Variants in PLA2G2A observed in about 807,000 individuals in gnomAD.
PLA2G2A encodes the protein phospholipase A2 group IIA, also known as phospholipase A2, membrane associated.
A neutral mutation model predicts 11.2 loss-of-function variants in PLA2G2A; 6 were observed. The ratio of observed to expected loss-of-function variants is 0.54; its 90% confidence interval spans 0.29 to 1.06. The LOEUF is 1.06. PLA2G2A is among the 50% of genes least tolerant of loss of function. PLA2G2A has a pLI of 0.08. For missense variants in PLA2G2A, 133 were observed against 177.1 expected (o/e 0.75, Z 1.41); for synonymous variants, 69 against 65.8 (o/e 1.05, Z -0.23).
intron 4 of PLA2G2A, 50 bp downstream of exon 4, chr1:19,977,965 G>A: frequency 2.8e-6 from 3 of 1,081,614 alleles, no homozygotes; most frequent in Non-Finnish European, 4.3e-6. Context: ...ACAGTCCCCA[G>A]CACTGTCTAA....
At chr1:19,976,105 G>C (rs2046215742) in intron 4 of PLA2G2A, among the ~76,000 whole-genome samples, 1 of 152,182 alleles carries the variant, frequency 6.6e-6, no homozygotes, top group South Asian at 2.1e-4. Context: ...TCTTCCTCTT[G>C]CTAACAGATG....
At chr1:19,978,170 C>A (rs1270471076) in intron 3 of PLA2G2A, 49 bp from the exon 4 acceptor site, 1 of 1,444,688 alleles carries the variant, frequency 6.9e-7, no homozygotes, top group African/African-American at 1.4e-5. Context: ...CTCCAGGAGG[C>A]CTGGTGCCTG....
chr1:19,977,716 C>T (rs761922072), intron 4 of PLA2G2A, among the ~76,000 whole-genome samples: 1 of 152,184 alleles, frequency 6.6e-6, no homozygotes, highest in African/African-American at 2.4e-5. Flanking sequence ...GCTGTGTCCT[C>T]TTCTGGGAAT....
At chr1:19,979,446 A>AT in intron 1 of PLA2G2A, 134 bp downstream of exon 1, 2 of 157,514 alleles carry the variant, frequency 1.3e-5, no homozygotes, top group Admixed American at 6.0e-5. Flanking sequence ...ATACTCACTC[A>AT]ACACACTCAT....
intron 4 of PLA2G2A, among the ~76,000 whole-genome samples, chr1:19,977,319 C>CA (rs1329192930): frequency 6.6e-6 from 1 of 152,202 alleles, no homozygotes; most frequent in African/African-American, 2.4e-5. Context: ...CCTCCCAACT[C>CA]AGTCACCAGT....
At chr1:19,977,490 G>A (rs774773427) in intron 4 of PLA2G2A, among the ~76,000 whole-genome samples, 2 of 152,206 alleles carry the variant, frequency 1.3e-5, no homozygotes, top group Non-Finnish European at 2.9e-5. Context: ...TCCCCACAGT[G>A]AGTCATCTAA....
At position 19,976,691 on chromosome 1, in the gene PLA2G2A, T is replaced by C. The variant is rs562032684; in HGVS notation, c.293-848A>G. ...TTCCAAATCCCACTCATGAGTCAGCTGTCTGGGGACACCAAGCAAAGCCTT... is the reference window on the plus strand; with the variant it reads ...TTCCAAATCCCACTCATGAGTCAGCCGTCTGGGGACACCAAGCAAAGCCTT... On this transcript the variant is annotated intron_variant, in intron 4 of 4. Transcript: ENST00000482011. 6.5e-4 allele frequency among the ~76,000 whole-genome samples: 99 copies of C among 152,364 alleles called. 2 individuals are homozygous for C. The highest frequency in any genetic ancestry group is 4.0e-3 in the Admixed American group (62 of 15,310).
At chr1:19,978,448 G>A (rs2046255520) in exon 3 of PLA2G2A, 1 of 1,613,874 alleles carries the variant, frequency 6.2e-7, no homozygotes. Context: ...AGCCATAACT[G>A]AGTGCGGCTT....
At position 19,978,529 on chromosome 1, in the gene PLA2G2A, A is replaced by T; in HGVS notation, c.41-5T>A. 1 of 1,613,428 alleles carries T rather than the reference A, an allele frequency of 6.2e-7. No individual in the cohort carries two copies. Among genetic ancestry groups the T allele is most frequent in the Non-Finnish European group, 8.5e-7 (1 of 1,180,026 alleles). ...TCCCATGGGCCTGCAGTAGGCCTGG[A>T]AGGAAATTTGGGAGTTGTCTGGTGA... On this transcript the variant is annotated splice_region_variant and splice_polypyrimidine_tract_variant and intron_variant, in intron 2 of 4. Coordinates refer to ENST00000482011, the Ensembl canonical transcript of PLA2G2A.
At chr1:19,976,815 G>T (rs2046226049) in intron 4 of PLA2G2A, among the ~76,000 whole-genome samples, 1 of 152,082 alleles carries the variant, frequency 6.6e-6, no homozygotes, top group Admixed American at 6.6e-5. Context: ...GCCCCCACCT[G>T]GTCTAATCTG....
At chr1:19,975,769 T>A in exon 5 of PLA2G2A, 1 of 1,613,490 alleles carries the variant, frequency 6.2e-7, no homozygotes, top group Non-Finnish European at 8.5e-7. Context: ...TTGTAGGTCG[T>A]CTTGTTTCTA....
rs11573162 is a variant in PLA2G2A, at chr1:19,978,510, G to A, written c.55C>T (p.His19Tyr). Reference sequence around the variant, plus strand: ...CTGTGGAAATTCACCAAATTCCCATGGGCCTGCAGTAGGCCTGGAAGGAAA... The same window carrying A: ...CTGTGGAAATTCACCAAATTCCCATAGGCCTGCAGTAGGCCTGGAAGGAAA... Residue 19 changes from histidine (H) to tyrosine (Y), a missense_variant, in exon 3 of 5, where the codon CAT becomes TAT. His to Tyr is a moderately conservative substitution (Grantham distance 83). Coordinates refer to ENST00000482011, the Ensembl canonical transcript of PLA2G2A. The A allele has an allele frequency of 4.5e-3, 7,326 of 1,613,646 alleles. 127 individuals are homozygous for A. Among genetic ancestry groups the A allele is most frequent in the East Asian group, 0.035 (1,567 of 44,880 alleles).
At chr1:19,979,189 C>T in intron 1 of PLA2G2A, 2 of 250,262 alleles carry the variant, frequency 8.0e-6, no homozygotes, top group Non-Finnish European at 1.6e-5. Flanking sequence ...AGGATGTGTC[C>T]CTCGCTAGAC....
At chr1:19,976,505 G>A (rs1344063961) in intron 4 of PLA2G2A, among the ~76,000 whole-genome samples, 6 of 152,166 alleles carry the variant, frequency 3.9e-5, no homozygotes, top group East Asian at 1.9e-4. Flanking sequence ...CTAGTTATGC[G>A]ACAGTCACAT....
upstream of PLA2G2A, among the ~76,000 whole-genome samples, chr1:19,979,928 G>T (rs1557704199): frequency 6.6e-6 from 1 of 151,862 alleles, no homozygotes; most frequent in Non-Finnish European, 1.5e-5. Flanking sequence ...TCGCCTCTAA[G>T]GGGGGCAGAG....
At chr1:19,978,184 T>A (rs1217420483) in intron 3 of PLA2G2A, 63 bp from the exon 4 acceptor site, 1 of 1,395,120 alleles carries the variant, frequency 7.2e-7, no homozygotes, top group Non-Finnish European at 1.0e-6. Context: ...GTGCCTGTGG[T>A]CTCACCCCCT....
chr1:19,977,519 T>C (rs953530925), intron 4 of PLA2G2A, among the ~76,000 whole-genome samples: 3 of 152,244 alleles, frequency 2.0e-5, no homozygotes, highest in Non-Finnish European at 4.4e-5. Flanking sequence ...TCTGACCCTG[T>C]AGCTCCTTTG....
intron 1 of PLA2G2A, chr1:19,979,182 A>G: frequency 3.7e-6 from 1 of 268,796 alleles, no homozygotes; most frequent in East Asian, 8.3e-5. Flanking sequence ...AGGTCAGAGG[A>G]TGTGTCCCTC....
At chr1:19,978,973 G>GCACTCACACACACACA in intron 1 of PLA2G2A, 94 bp from the exon 2 acceptor site, 4 of 571,982 alleles carry the variant, frequency 7.0e-6, no homozygotes, top group East Asian at 6.3e-5. Flanking sequence ...CTCCAGCAAT[G>GCACTCACACACACACA]CACACACACA....
Sources: gnomAD v4.1 joint callset for allele counts (sites outside exome capture counted in the v4.1 genomes callset) on GRCh38, gnomAD v4.1.1 for gene constraint, MANE v1.5 for transcripts, NCBI Gene and HGNC (gene_info 2026-07-23, HGNC 2026-07-21) for gene names.